GAB2: variants seen among roughly 807,000 people sequenced by gnomAD.
GAB2 encodes the protein GRB2-associated-binding protein 2.
In GAB2, 26 loss-of-function variants were observed where a neutral mutation model predicts 65.5. The ratio of observed to expected loss-of-function variants is 0.40; its 90% CI spans 0.29 to 0.55. The LOEUF is 0.55. Ranked by LOEUF, GAB2 falls within the 20% of genes least tolerant of loss-of-function variation. GAB2 has a pLI of 0.53. For synonymous variants in GAB2, 321 were observed against 329.6 expected (o/e 0.97, Z 0.28); for missense variants, 884 against 875.8 (o/e 1.01, Z -0.12).
At chr11:78,339,725 C>T (rs1856062029) in intron 1 of GAB2, among the ~76,000 whole-genome samples, 1 of 152,170 alleles carries the variant, frequency 6.6e-6, no homozygotes. Flanking sequence ...AACATCCCCT[C>T]TACAGAGCTG....
At chr11:78,250,497 G>T in intron 2 of GAB2, 97 bp from the exon 3 acceptor site, 1 of 1,114,214 alleles carries the variant, frequency 9.0e-7, no homozygotes, top group Non-Finnish European at 1.3e-6. Context: ...TAAGAGCAGA[G>T]AAAATAATCC....
intron 1 of GAB2, among the ~76,000 whole-genome samples, chr11:78,364,257 C>T (rs929615632): frequency 1.3e-5 from 2 of 152,096 alleles, no homozygotes; most frequent in Non-Finnish European, 2.9e-5. Context: ...CTCCCACCTC[C>T]GCCTCCCAAA....
At chr11:78,224,187 T>C (rs975264386) in intron 5 of GAB2, among the ~76,000 whole-genome samples, 2 of 152,230 alleles carry the variant, frequency 1.3e-5, no homozygotes, top group Admixed American at 1.3e-4. Flanking sequence ...CTAATAATTT[T>C]TGATAAATCT....
intron 1 of GAB2, among the ~76,000 whole-genome samples, chr11:78,283,459 C>T (rs1211096734): frequency 6.6e-6 from 1 of 152,164 alleles, no homozygotes; most frequent in African/African-American, 2.4e-5. Context: ...TGACTTGATC[C>T]CACAATTCTT....
At chr11:78,235,175 CAG>C (rs1229970601) in intron 3 of GAB2, among the ~76,000 whole-genome samples, 1 of 151,894 alleles carries the variant, frequency 6.6e-6, no homozygotes, top group African/African-American at 2.4e-5. Flanking sequence ...CTTTTTGAGA[CAG>C]AGTCTCACTC....
At chr11:78,327,600 AGC>A (rs979786985) in intron 1 of GAB2, among the ~76,000 whole-genome samples, 8 of 152,312 alleles carry the variant, frequency 5.3e-5, no homozygotes, top group Admixed American at 5.2e-4. Context: ...GCCTACAGGG[AGC>A]CAGGAAAACA....
At chr11:78,360,395 TA>T (rs60132161) in intron 1 of GAB2, among the ~76,000 whole-genome samples, 437 of 139,884 alleles carry the variant, frequency 3.1e-3, no homozygotes, top group African/African-American at 9.6e-3. Context: ...TTTCTGTATT[TA>T]AAAAAAAAAA....
intron 1 of GAB2, among the ~76,000 whole-genome samples, chr11:78,343,639 C>T (rs923754594): frequency 6.6e-6 from 1 of 152,164 alleles, no homozygotes; most frequent in Non-Finnish European, 1.5e-5. Flanking sequence ...GCAGCCACTG[C>T]TGCTTCTTGG....
At chr11:78,262,865 C>G (rs1211928529) in intron 2 of GAB2, among the ~76,000 whole-genome samples, 1 of 152,210 alleles carries the variant, frequency 6.6e-6, no homozygotes, top group Non-Finnish European at 1.5e-5. Flanking sequence ...GAACAGGGGT[C>G]AGCAAACTAC....
chr11:78,383,564 G>A lies in GAB2; in HGVS notation c.75+34082C>T, dbSNP rs551259754. Among the ~76,000 whole-genome samples the A allele has an allele frequency of 4.7e-3, 480 of 101,896 alleles. 2 individuals carry two copies. Among genetic ancestry groups the A allele is most frequent in the African/African-American group, 0.017 (457 of 26,410 alleles). 66.8% of individuals were successfully genotyped at this position (101,896 alleles called of 152,430 possible). ...GTTTGAGACCAGCCTGGGCAACATGGCAAAACCCTGTCTCTCCAAAAAAAA... is the reference window on the plus strand; with the variant it reads ...GTTTGAGACCAGCCTGGGCAACATGACAAAACCCTGTCTCTCCAAAAAAAA... On this transcript the variant is annotated intron_variant, in intron 1 of 9. Transcript: ENST00000361507.
intron 1 of GAB2, among the ~76,000 whole-genome samples, chr11:78,395,063 T>TC (rs149361568): frequency 0.028 from 4,188 of 152,246 alleles, 163 homozygotes; most frequent in African/African-American, 0.088. Flanking sequence ...CTGGAATGAC[T>TC]GGAGACCAGA....
At chr11:78,402,692 C>T (rs973294869) in intron 1 of GAB2, among the ~76,000 whole-genome samples, 3 of 152,026 alleles carry the variant, frequency 2.0e-5, no homozygotes, top group Admixed American at 6.6e-5. Flanking sequence ...CTCAGGTGAC[C>T]TGCCCGCCTC....
At chr11:78,280,496 G>T in intron 2 of GAB2, 105 bp downstream of exon 2, 2 of 902,338 alleles carry the variant, frequency 2.2e-6, no homozygotes, top group Non-Finnish European at 3.5e-6. Flanking sequence ...ATCTATGAAC[G>T]CTCTTCCAAC....
chr11:78,333,090 T>A (rs1044611557), intron 1 of GAB2, among the ~76,000 whole-genome samples: 11 of 152,134 alleles, frequency 7.2e-5, no homozygotes, highest in African/African-American at 2.7e-4. Flanking sequence ...CTGGGACATG[T>A]GGTACCATCA....
chr11:78,267,228 G>T (rs534489770), intron 2 of GAB2, among the ~76,000 whole-genome samples: 10 of 152,214 alleles, frequency 6.6e-5, no homozygotes, highest in African/African-American at 2.2e-4. Flanking sequence ...CACAAGAGCA[G>T]GGCTAGGAAC....
At chr11:78,251,892 G>A (rs1417895579) in intron 2 of GAB2, among the ~76,000 whole-genome samples, 1 of 152,176 alleles carries the variant, frequency 6.6e-6, no homozygotes, top group Non-Finnish European at 1.5e-5. Context: ...TAAAGGCAAG[G>A]TACATAGCAG....
intron 1 of GAB2, among the ~76,000 whole-genome samples, chr11:78,388,388 A>G (rs746172623): frequency 4.0e-5 from 6 of 149,690 alleles, no homozygotes; most frequent in Non-Finnish European, 7.4e-5. Flanking sequence ...GTGCAGTGGC[A>G]TGATCACACG....
At position 78,262,082 on chromosome 11, in the gene GAB2, C is replaced by T. The variant is rs565630595; in HGVS notation, c.377-11682G>A. On this transcript the variant is annotated intron_variant, in intron 2 of 9. Transcript: ENST00000361507. ...GATGCTTATCAAGAATCGTGATCAGCGGCAATAATCACAAGATTGCACCTT... is the reference window on the plus strand; with the variant it reads ...GATGCTTATCAAGAATCGTGATCAGTGGCAATAATCACAAGATTGCACCTT... Among the ~76,000 whole-genome samples, 51 of 152,250 alleles carry T rather than the reference C, an allele frequency of 3.3e-4. 1 individual carries two copies. The South Asian group carries it at 8.3e-3, about 25-fold the overall frequency.
chr11:78,341,987 C>G, intron 1 of GAB2: 5 of 523,786 alleles, frequency 9.5e-6, no homozygotes, highest in Non-Finnish European at 1.2e-5. Flanking sequence ...GTTGTGTTCC[C>G]CTCCCTATGG....
Sources: allele counts gnomAD v4.1 joint callset (sites outside exome capture counted in the v4.1 genomes callset), GRCh38; gene constraint gnomAD v4.1.1; transcripts MANE v1.5; gene names NCBI Gene and HGNC (gene_info 2026-07-23, HGNC 2026-07-21).